The following DDX4 variants were observed in gnomAD, a reference collection of about 807,000 sequenced individuals.
DDX4 encodes probable ATP-dependent RNA helicase DDX4.
Under a neutral mutation model 100.0 loss-of-function variants are expected in DDX4, and 25 were observed. The observed-to-expected ratio is 0.25, with a 90% CI of 0.18 to 0.35. The LOEUF is 0.35. Ranked by LOEUF, DDX4 falls within the 10% of genes least tolerant of loss-of-function variation. DDX4 has a pLI of 1.00. For synonymous variants in DDX4, 259 were observed against 275.7 expected (o/e 0.94, Z 0.60); for missense variants, 635 against 882.4 (o/e 0.72, Z 3.55).
intron 3 of DDX4, among the ~76,000 whole-genome samples, chr5:55,755,538 A>G (rs1759870994): frequency 6.6e-6 from 1 of 152,120 alleles, no homozygotes; most frequent in Non-Finnish European, 1.5e-5. Context: ...TATTTTATTT[A>G]GCACTTCTGA....
chr5:55,739,033 G>T lies in DDX4; in HGVS notation c.69+1G>T. On this transcript the variant is annotated splice_donor_variant, in intron 2 of 21. Coordinates refer to ENST00000505374, the MANE Select transcript of DDX4 (RefSeq NM_024415.3). LOFTEE classifies it high-confidence loss of function. ...TTCCTATGTTCCCATATTTGAGAAG[G>T]TAATAACATTTAAAGTTTAGTTATT... 6.4e-7 allele frequency: 1 copy of T among 1,556,016 alleles called. No homozygotes were observed. Among genetic ancestry groups the T allele is most frequent in the Non-Finnish European group, 8.8e-7 (1 of 1,131,100 alleles).
Position 55,779,961 on chromosome 5 carries a change from T to C in DDX4, c.395-3T>C, listed in dbSNP as rs748475708. ...TGTTCTTGTGTGTGTTTTAACATTATAGGCTATCGAGATGGAAATAATTCA... is the reference window on the plus strand; with the variant it reads ...TGTTCTTGTGTGTGTTTTAACATTACAGGCTATCGAGATGGAAATAATTCA... On this transcript the variant is annotated splice_region_variant and splice_polypyrimidine_tract_variant and intron_variant, in intron 7 of 21. Transcript: ENST00000505374. The C allele has an allele frequency of 6.2e-7, 1 of 1,613,280 alleles. No homozygotes were observed. The highest frequency in any genetic ancestry group is 1.7e-5 in the Admixed American group (1 of 59,854).
intron 7 of DDX4, among the ~76,000 whole-genome samples, chr5:55,774,825 T>C (rs539111749): frequency 6.6e-6 from 1 of 152,344 alleles, no homozygotes; most frequent in South Asian, 2.1e-4. Flanking sequence ...GGAGTTGAGC[T>C]TCTTGGATTT....
intron 14 of DDX4, 87 bp downstream of exon 14, chr5:55,786,757 G>A: frequency 1.9e-6 from 2 of 1,044,030 alleles, no homozygotes; most frequent in Non-Finnish European, 2.9e-6. Flanking sequence ...TTGAGTAGAA[G>A]GTTTGTAGAT....
intron 7 of DDX4, among the ~76,000 whole-genome samples, chr5:55,774,598 A>G (rs1741450504): frequency 6.6e-6 from 1 of 152,200 alleles, no homozygotes; most frequent in Non-Finnish European, 1.5e-5. Context: ...TGCCTAATCC[A>G]GAGTCATGCA....
chr5:55,758,414 G>A (rs1760077578), intron 3 of DDX4, among the ~76,000 whole-genome samples: 1 of 152,096 alleles, frequency 6.6e-6, no homozygotes, highest in South Asian at 2.1e-4. Flanking sequence ...TTGGTCTGTA[G>A]AATGAGTTGG....
chr5:55,741,234 T>C (rs111887551), intron 2 of DDX4, among the ~76,000 whole-genome samples: 3 of 152,334 alleles, frequency 2.0e-5, no homozygotes, highest in African/African-American at 7.2e-5. Context: ...GTCAAATCTT[T>C]CAAATTTCCC....
rs573380709 is a variant in DDX4 at position 55,802,399 on chromosome 5, A to G, written c.1615+3828A>G. ...AGCCTTCTTCATATATCCAGAAAATAGAATATTAAAATAATATTAACAGTA... is the reference window on the plus strand; with the variant it reads ...AGCCTTCTTCATATATCCAGAAAATGGAATATTAAAATAATATTAACAGTA... On this transcript the variant is annotated intron_variant, in intron 18 of 21. Transcript: ENST00000505374. 1.7e-3 allele frequency among the ~76,000 whole-genome samples: 264 copies of G among 152,354 alleles called. 1 individual carries two copies. The highest frequency in any genetic ancestry group is 2.7e-3 in the Non-Finnish European group (183 of 68,034).
chr5:55,807,976 T>A (rs1743858129), intron 18 of DDX4, among the ~76,000 whole-genome samples: 1 of 152,250 alleles, frequency 6.6e-6, no homozygotes, highest in Admixed American at 6.5e-5. Flanking sequence ...AGATATGGTC[T>A]TTTCACATAG....
Position 55,785,848 on chromosome 5 carries a change from C to T in DDX4, c.841C>T (p.His281Tyr), listed in dbSNP as rs1245917561. The T allele has an allele frequency of 6.2e-7, 1 of 1,609,612 alleles. No individual in the cohort carries two copies. The highest frequency in any genetic ancestry group is 8.5e-7 in the Non-Finnish European group (1 of 1,176,118). The change falls in exon 13 of 22, where the codon CAT (histidine) becomes TAT (tyrosine). Residue 281 changes from histidine to tyrosine, a missense_variant. By Grantham distance (83) the His-to-Tyr change is moderately conservative (BLOSUM62 2). Around this residue, in one of 4 missense-constraint regions of DDX4, gnomAD observed 446 missense variants for 540.8 expected, o/e 0.82. Transcript: ENST00000505374. ...YDTILVEVSGHDAPPAILTFE... is the reference protein window; with the variant it reads ...YDTILVEVSGYDAPPAILTFE... ...CACTATTCTTGTGGAAGTGTCTGGA[C>T]ATGATGCACCACCAGCAATTCTGGT... is the stretch of plus-strand genomic sequence containing the variant.
intron 6 of DDX4, 22 bp downstream of exon 6, chr5:55,764,086 T>C (rs574546852): frequency 2.6e-6 from 4 of 1,560,356 alleles, no homozygotes; most frequent in African/African-American, 2.7e-5. Context: ...ATTTTTGTGT[T>C]TTAAAATTTA....
chr5:55,808,466 T>C (rs940337131), intron 18 of DDX4, among the ~76,000 whole-genome samples: 2 of 152,234 alleles, frequency 1.3e-5, no homozygotes, highest in Non-Finnish European at 2.9e-5. Context: ...CTTTGGTCTT[T>C]GATGATGGTG....
chr5:55,793,802 G>GT (rs1380979818), intron 17 of DDX4, among the ~76,000 whole-genome samples: 3 of 152,214 alleles, frequency 2.0e-5, no homozygotes, highest in Non-Finnish European at 4.4e-5. Flanking sequence ...CCCTTGAACT[G>GT]TTTTTTCTGC....
chr5:55,792,861 C>A (rs1742667058), intron 17 of DDX4, 54 bp downstream of exon 17: 1 of 1,061,188 alleles, frequency 9.4e-7, no homozygotes, highest in Non-Finnish European at 1.2e-6. Flanking sequence ...ATACTTTTAT[C>A]AAAGTGGAAG....
chr5:55,740,059 A>G (rs148127521), intron 2 of DDX4, among the ~76,000 whole-genome samples: 1 of 152,334 alleles, frequency 6.6e-6, no homozygotes, highest in Non-Finnish European at 1.5e-5. Flanking sequence ...TCTTCTCATA[A>G]TAAAAATATA....
At chr5:55,798,278 C>T (rs1349328888) in intron 17 of DDX4, 148 bp from the exon 18 acceptor site, 17 of 768,148 alleles carry the variant, frequency 2.2e-5, no homozygotes, top group Admixed American at 3.1e-5. Context: ...CACAATAGTA[C>T]TTGGGTGATA....
chr5:55,738,521 C>A (rs1259586096), intron 1 of DDX4, among the ~76,000 whole-genome samples: 1 of 152,080 alleles, frequency 6.6e-6, no homozygotes, highest in African/African-American at 2.4e-5. Flanking sequence ...CCACGCACGC[C>A]ACAAACACCC....
chr5:55,781,964 G>T lies in DDX4; in HGVS notation c.608G>T (p.Gly203Val). 2 of 1,614,074 alleles carry T rather than the reference G, an allele frequency of 1.2e-6. No homozygotes were observed. The highest frequency in any genetic ancestry group is 1.7e-6 in the Non-Finnish European group (2 of 1,179,998). ...GNGDTSQSRS[G>V]SGSERGGYKG... The stretch of plus-strand genomic sequence containing the variant: ...GGTGATACTTCTCAAAGCAGAAGTG[G>T]CAGTGGAAGTGAACGAGGTAAGTTC... The change falls in exon 10 of 22, where the codon GGC (glycine) becomes GTC (valine). Residue 203 changes from glycine (G) to valine (V), a missense_variant. Coordinates refer to ENST00000505374, the MANE Select transcript of DDX4 (RefSeq NM_024415.3).
At chr5:55,783,545 T>C (rs918155388) in intron 10 of DDX4, among the ~76,000 whole-genome samples, 2 of 152,012 alleles carry the variant, frequency 1.3e-5, no homozygotes, top group African/African-American at 4.8e-5. Flanking sequence ...GTAAACGAAA[T>C]TGAAAATCTT....
Sources: gnomAD v4.1 joint callset for allele counts (sites outside exome capture counted in the v4.1 genomes callset) on GRCh38, gnomAD v4.1.1 for gene constraint, gnomAD v4.1.1 regional missense constraint, MANE v1.5 for transcripts, NCBI Gene and HGNC (gene_info 2026-07-23, HGNC 2026-07-21) for gene names.